The following CFAP61 variants were observed in gnomAD, a reference collection of about 807,000 sequenced individuals.
The protein encoded by CFAP61 is cilia and flagella associated protein 61, also known as cilia- and flagella-associated protein 61.
In CFAP61, 107 loss-of-function variants were observed where a neutral mutation model predicts 135.6. That is an observed-to-expected ratio of 0.79 (90% CI 0.67 to 0.93). The LOEUF is 0.93. Ranked by LOEUF, CFAP61 falls within the 40% of genes least tolerant of loss-of-function variation. The probability of loss-of-function intolerance (pLI) is 0.00; values close to 1 mark genes in which losing one functional copy is unlikely to be tolerated. For missense variants in CFAP61, 1,507 were observed against 1,556.2 expected (o/e 0.97, Z 0.53); for synonymous variants, 575 against 578.5 (o/e 0.99, Z 0.09).
Position 20,075,251 on chromosome 20 carries a change from G to C in CFAP61, c.434G>C (p.Ser145Thr). Residue 145 changes from serine to threonine, a missense_variant, in exon 5 of 27, where the codon AGC (serine) becomes ACC (threonine). Coordinates refer to ENST00000245957, the MANE Select transcript of CFAP61 (RefSeq NM_015585.4). The stretch of plus-strand genomic sequence containing the variant: ...TTTCTCATCGTGCCATCCTACATGA[G>C]CCTAGGTAAGGCCCGCCCAACCACC... Reference protein sequence around the residue: ...FIFLIVPSYMSLGSTLITVFD... With the variant: ...FIFLIVPSYMTLGSTLITVFD... The C allele has an allele frequency of 6.2e-7, 1 of 1,614,050 alleles. No homozygotes were observed. Among genetic ancestry groups the C allele is most frequent in the Non-Finnish European group, 8.5e-7 (1 of 1,179,964 alleles).
chr20:20,141,555 T>A (rs1203454905), intron 8 of CFAP61, among the ~76,000 whole-genome samples: 3 of 152,230 alleles, frequency 2.0e-5, no homozygotes, highest in East Asian at 1.9e-4. Context: ...TGCTAGAATG[T>A]GACTCTCTGT....
At chr20:20,310,282 C>T (rs1401353076) in intron 25 of CFAP61, among the ~76,000 whole-genome samples, 4 of 152,176 alleles carry the variant, frequency 2.6e-5, no homozygotes, top group African/African-American at 9.7e-5. Flanking sequence ...CCACACCCAG[C>T]CCTTATTAGT....
intron 25 of CFAP61, among the ~76,000 whole-genome samples, chr20:20,310,601 A>G (rs2056762823): frequency 6.6e-6 from 1 of 152,154 alleles, no homozygotes; most frequent in African/African-American, 2.4e-5. Context: ...AATTCCTTCA[A>G]TGGGCTGGAG....
intron 8 of CFAP61, among the ~76,000 whole-genome samples, chr20:20,101,820 A>T (rs1374930786): frequency 2.0e-5 from 3 of 151,820 alleles, no homozygotes; most frequent in Non-Finnish European, 4.4e-5. Context: ...GTAGAGACAG[A>T]GTTCATCATG....
intron 26 of CFAP61, among the ~76,000 whole-genome samples, chr20:20,342,704 G>T (rs1439296741): frequency 1.3e-5 from 2 of 152,110 alleles, no homozygotes; most frequent in East Asian, 1.9e-4. Flanking sequence ...CTTATTGGAC[G>T]GCACTGCTAG....
At chr20:20,100,821 T>A (rs2047968729) in intron 8 of CFAP61, among the ~76,000 whole-genome samples, 1 of 152,218 alleles carries the variant, frequency 6.6e-6, no homozygotes, top group South Asian at 2.1e-4. Flanking sequence ...TAAGCTAGTA[T>A]ATCTCTAGCA....
At chr20:20,189,562 C>T (rs1436503392) in intron 14 of CFAP61, among the ~76,000 whole-genome samples, 2 of 152,154 alleles carry the variant, frequency 1.3e-5, no homozygotes, top group Non-Finnish European at 2.9e-5. Flanking sequence ...CAGCAAACGT[C>T]CTAGTGGTCC....
chr20:20,159,579 C>A, intron 10 of CFAP61, 135 bp downstream of exon 10: 1 of 701,992 alleles, frequency 1.4e-6, no homozygotes. Context: ...CTACCACCTC[C>A]TTTAGGACTT....
chr20:20,242,641 C>T (rs954560795), intron 18 of CFAP61, among the ~76,000 whole-genome samples: 1 of 152,216 alleles, frequency 6.6e-6, no homozygotes, highest in Non-Finnish European at 1.5e-5. Context: ...AAAAACCGGT[C>T]TCTTCCCTAT....
At chr20:20,184,481 G>T (rs2146858896) in intron 13 of CFAP61, 1 of 152,342 alleles carries the variant, frequency 6.6e-6, no homozygotes. Flanking sequence ...GAGAAAAATA[G>T]AACAGGGAAT....
At chr20:20,083,889 A>G (rs2046608277) in intron 6 of CFAP61, among the ~76,000 whole-genome samples, 1 of 152,200 alleles carries the variant, frequency 6.6e-6, no homozygotes, top group Non-Finnish European at 1.5e-5. Context: ...AAATCATGAC[A>G]TTTTCCAAGG....
intron 8 of CFAP61, among the ~76,000 whole-genome samples, chr20:20,140,262 A>G (rs1394129460): frequency 2.0e-5 from 3 of 150,348 alleles, no homozygotes; most frequent in East Asian, 2.0e-4. Context: ...TTACATATGT[A>G]TACATATGCC....
At chr20:20,171,512 T>A (rs1337454259) in intron 13 of CFAP61, among the ~76,000 whole-genome samples, 1 of 152,176 alleles carries the variant, frequency 6.6e-6, no homozygotes, top group East Asian at 1.9e-4. Context: ...AGCTAGCAGG[T>A]CTCATAGTGT....
At chr20:20,216,076 A>G (rs2048021986) in intron 17 of CFAP61, among the ~76,000 whole-genome samples, 1 of 152,204 alleles carries the variant, frequency 6.6e-6, no homozygotes, top group Non-Finnish European at 1.5e-5. Context: ...ACGATTTTAT[A>G]GCCCCAGCAG....
chr20:20,065,635 G>T (rs920474095), intron 2 of CFAP61, among the ~76,000 whole-genome samples: 1 of 150,078 alleles, frequency 6.7e-6, no homozygotes, highest in Non-Finnish European at 1.5e-5. Context: ...AAAAAAGGTG[G>T]TTCTTTTGTG....
intron 1 of CFAP61, among the ~76,000 whole-genome samples, chr20:20,054,579 A>G (rs994277731): frequency 7.2e-5 from 11 of 152,210 alleles, no homozygotes; most frequent in African/African-American, 2.4e-4. Flanking sequence ...ATTCATGCTC[A>G]TTTGTGCCGA....
At chr20:20,330,604 TA>T (rs2057948737) in intron 25 of CFAP61, among the ~76,000 whole-genome samples, 1 of 152,170 alleles carries the variant, frequency 6.6e-6, no homozygotes, top group Non-Finnish European at 1.5e-5. Flanking sequence ...CCCAAAGTGC[TA>T]GTATTAACAG....
chr20:20,142,826 TTC>T (rs1400644728), intron 8 of CFAP61, 29 bp from the exon 9 acceptor site: 1 of 1,258,952 alleles, frequency 7.9e-7, no homozygotes, highest in Non-Finnish European at 1.1e-6. Flanking sequence ...ATCATCTATT[TTC>T]TGTCATTATT....
At chr20:20,065,772 A>G (rs1342778573) in intron 2 of CFAP61, among the ~76,000 whole-genome samples, 2 of 152,110 alleles carry the variant, frequency 1.3e-5, no homozygotes, top group East Asian at 3.9e-4. Context: ...ATGAGTGGGG[A>G]AAGGGCTGAA....
Sources: allele counts gnomAD v4.1 joint callset (sites outside exome capture counted in the v4.1 genomes callset), GRCh38; gene constraint gnomAD v4.1.1; transcripts MANE v1.5; gene names NCBI Gene and HGNC (gene_info 2026-07-23, HGNC 2026-07-21).